Variants in TIAM1 observed in about 807,000 individuals in gnomAD.
The protein encoded by TIAM1 is TIAM Rac1 associated GEF 1, also known as rho guanine nucleotide exchange factor TIAM1.
In TIAM1, 65 loss-of-function variants were observed where a neutral mutation model predicts 163.5. That is an observed-to-expected ratio of 0.40 (90% CI 0.33 to 0.49). The LOEUF is 0.49. Ranked by LOEUF, TIAM1 falls within the 20% of genes least tolerant of loss-of-function variation. The pLI, the probability that TIAM1 is intolerant of heterozygous loss-of-function variation, is 0.77. For missense variants in TIAM1, 1,789 were observed against 2,044.7 expected, an observed-to-expected ratio of 0.87 and a Z score of 2.41; for synonymous variants, 833 against 810.1, an observed-to-expected ratio of 1.03 and a Z score of -0.48.
intron 16 of TIAM1, among the ~76,000 whole-genome samples, chr21:31,156,252 T>G (rs2083618523): frequency 6.6e-6 from 1 of 152,188 alleles, no homozygotes. Context: ...TTATTCTAAT[T>G]CTCTTACAAT....
intron 11 of TIAM1, 61 bp downstream of exon 11, chr21:31,209,984 T>C: frequency 1.9e-6 from 3 of 1,547,820 alleles, no homozygotes; most frequent in Non-Finnish European, 1.7e-6. Flanking sequence ...ACATGTGCCT[T>C]AGAAGATTGC....
intron 2 of TIAM1, among the ~76,000 whole-genome samples, chr21:31,360,496 A>G (rs1373134851): frequency 2.0e-5 from 3 of 152,116 alleles, no homozygotes; most frequent in African/African-American, 7.2e-5. Flanking sequence ...GGTAATCCTG[A>G]GGTTTTTTTA....
At chr21:31,375,396 T>C (rs916122525) in intron 2 of TIAM1, among the ~76,000 whole-genome samples, 2 of 152,340 alleles carry the variant, frequency 1.3e-5, no homozygotes, top group Admixed American at 1.3e-4. Context: ...TACATGTGTA[T>C]GTTCAAGTAA....
intron 2 of TIAM1, among the ~76,000 whole-genome samples, chr21:31,448,330 C>A (rs553954169): frequency 1.3e-5 from 2 of 152,086 alleles, no homozygotes; most frequent in African/African-American, 2.4e-5. Flanking sequence ...GGAGGCCAGG[C>A]GCGGTGGCTC....
chr21:31,510,163 G>T (rs2047166150), intron 1 of TIAM1, among the ~76,000 whole-genome samples: 1 of 152,190 alleles, frequency 6.6e-6, no homozygotes, highest in East Asian at 1.9e-4. Context: ...TTGAACAACA[G>T]CAACTTATTA....
At chr21:31,318,546 T>C (rs2147018256) in intron 2 of TIAM1, among the ~76,000 whole-genome samples, 1 of 152,366 alleles carries the variant, frequency 6.6e-6, no homozygotes. Context: ...CTCTACTCTG[T>C]ATATAGAGCA....
chr21:31,357,998 AC>A (rs1040131740), intron 2 of TIAM1, among the ~76,000 whole-genome samples: 34 of 152,078 alleles, frequency 2.2e-4, no homozygotes, highest in African/African-American at 8.2e-4. Flanking sequence ...TCTTTTCTTT[AC>A]ACTGTGGTCC....
intron 20 of TIAM1, among the ~76,000 whole-genome samples, chr21:31,144,477 C>T (rs2083010113): frequency 6.6e-6 from 1 of 152,196 alleles, no homozygotes; most frequent in African/African-American, 2.4e-5. Flanking sequence ...TGAACATGAA[C>T]ATGCACTTTG....
At chr21:31,239,192 G>T (rs777488718) in intron 6 of TIAM1, among the ~76,000 whole-genome samples, 1 of 151,714 alleles carries the variant, frequency 6.6e-6, no homozygotes, top group East Asian at 1.9e-4. Context: ...GTGCAACCAC[G>T]GCTCACTGCA....
In TIAM1 at chr21:31,225,620, G is replaced by A; in HGVS notation, c.1809+106C>T. On this transcript the variant is annotated intron_variant, in intron 7 of 27. Transcript: ENST00000541036. Reference sequence around the variant, plus strand: ...AGCATCCTGGATGACAGGCTGTCGAGGAGATATCCGATGATGTTTCACGAT... The same window carrying A: ...AGCATCCTGGATGACAGGCTGTCGAAGAGATATCCGATGATGTTTCACGAT... 8.0e-6 allele frequency: 7 copies of A among 874,028 alleles called. No individual in the cohort carries two copies. The South Asian group carries it at 1.2e-4, about 15-fold the overall frequency. 54.1% of individuals were successfully genotyped at this position (874,028 alleles called of 1,614,324 possible).
At chr21:31,320,671 CAG>C (rs1348077070) in intron 2 of TIAM1, among the ~76,000 whole-genome samples, 5 of 152,136 alleles carry the variant, frequency 3.3e-5, no homozygotes, top group Admixed American at 3.3e-4. Context: ...CTCTACCTCT[CAG>C]AGCCTCGCTA....
At chr21:31,496,459 CAAAAA>C (rs58140674) in intron 1 of TIAM1, among the ~76,000 whole-genome samples, 21 of 87,856 alleles carry the variant, frequency 2.4e-4, no homozygotes, top group South Asian at 8.2e-4. Flanking sequence ...AACTCTGTCT[CAAAAA>C]AAAAAAAAAA....
At chr21:31,172,633 G>GACAA (rs1426779470) in intron 15 of TIAM1, among the ~76,000 whole-genome samples, 1 of 152,146 alleles carries the variant, frequency 6.6e-6, no homozygotes, top group Non-Finnish European at 1.5e-5. Flanking sequence ...GGTCTAGAGA[G>GACAA]ACAAAGTCTC....
At chr21:31,315,758 G>A (rs957122259) in intron 2 of TIAM1, among the ~76,000 whole-genome samples, 1 of 151,510 alleles carries the variant, frequency 6.6e-6, no homozygotes, top group African/African-American at 2.4e-5. Flanking sequence ...GAGGCAGGCG[G>A]ATCATGAGGT....
intron 22 of TIAM1, among the ~76,000 whole-genome samples, chr21:31,140,861 A>G (rs2082815279): frequency 1.3e-5 from 2 of 152,180 alleles, no homozygotes; most frequent in Non-Finnish European, 2.9e-5. Flanking sequence ...CACACTTAAC[A>G]CAGAATAAAG....
chr21:31,316,021 C>T (rs1458237587), intron 2 of TIAM1, among the ~76,000 whole-genome samples: 1 of 151,864 alleles, frequency 6.6e-6, no homozygotes, highest in Non-Finnish European at 1.5e-5. Flanking sequence ...CCATGATGAC[C>T]CTGAAATTGT....
At chr21:31,381,354 C>T (rs2147174959) in intron 2 of TIAM1, among the ~76,000 whole-genome samples, 1 of 152,202 alleles carries the variant, frequency 6.6e-6, no homozygotes, top group African/African-American at 2.4e-5. Flanking sequence ...TGAAACCCCA[C>T]CTCTACAAAA....
chr21:31,289,815 C>T (rs1240404678), intron 2 of TIAM1, among the ~76,000 whole-genome samples: 2 of 152,170 alleles, frequency 1.3e-5, no homozygotes, highest in African/African-American at 2.4e-5. Context: ...AAAACCGATA[C>T]ATAAAATCAC....
chr21:31,170,216 T>C (rs535113239), intron 15 of TIAM1, among the ~76,000 whole-genome samples: 1 of 152,304 alleles, frequency 6.6e-6, no homozygotes, highest in East Asian at 1.9e-4. Flanking sequence ...TGGAAAACTA[T>C]ATTAGGCAAA....
Sources: allele counts gnomAD v4.1 joint callset (sites outside exome capture counted in the v4.1 genomes callset), GRCh38; gene constraint gnomAD v4.1.1; transcripts MANE v1.5; gene names NCBI Gene and HGNC (gene_info 2026-07-23, HGNC 2026-07-21).